Variants in ARHGAP28 observed in about 807,000 individuals in gnomAD.
The protein encoded by ARHGAP28 is rho GTPase-activating protein 28.
Under a neutral mutation model 90.7 loss-of-function variants are expected in ARHGAP28, and 56 were observed. The observed-to-expected ratio is 0.62, with a 90% CI of 0.50 to 0.77. The LOEUF is 0.77. Among genes scored for constraint, ARHGAP28 ranks in the 30% least tolerant of loss-of-function variants. The probability of loss-of-function intolerance (pLI) is 0.00; values close to 1 mark genes in which losing one functional copy is unlikely to be tolerated. For missense variants in ARHGAP28, 869 were observed against 900.9 expected (o/e 0.96, Z 0.45); for synonymous variants, 308 against 323.3 (o/e 0.95, Z 0.51).
chr18:6,751,631 A>G (rs1031321225), intron 1 of ARHGAP28, among the ~76,000 whole-genome samples: 7 of 152,236 alleles, frequency 4.6e-5, no homozygotes, highest in Non-Finnish European at 8.8e-5. Context: ...AATTGCATCA[A>G]CAAGAAGAAA....
chr18:6,730,754 A>G (rs1325548534), intron 1 of ARHGAP28, among the ~76,000 whole-genome samples: 1 of 152,202 alleles, frequency 6.6e-6, no homozygotes, highest in African/African-American at 2.4e-5. Flanking sequence ...TATTTGATAC[A>G]TATTTGGGGG....
At chr18:6,847,125 G>A (rs1454796469) in intron 3 of ARHGAP28, among the ~76,000 whole-genome samples, 1 of 152,112 alleles carries the variant, frequency 6.6e-6, no homozygotes. Context: ...CACAAGAACT[G>A]TCCTCTGGAT....
intron 16 of ARHGAP28, among the ~76,000 whole-genome samples, chr18:6,903,379 G>A (rs965867789): frequency 6.6e-6 from 1 of 152,024 alleles, no homozygotes; most frequent in African/African-American, 2.4e-5. Flanking sequence ...TTAAGTGTGA[G>A]GATAAAGAGA....
At chr18:6,789,026 G>A (rs888804552) in intron 1 of ARHGAP28, 2 of 152,164 alleles carry the variant, frequency 1.3e-5, no homozygotes, top group Admixed American at 6.5e-5. Context: ...TGTATTACTT[G>A]GCCTGACAAC....
chr18:6,875,244 T>C (rs1022794868), intron 9 of ARHGAP28, among the ~76,000 whole-genome samples: 1 of 152,240 alleles, frequency 6.6e-6, no homozygotes, highest in Non-Finnish European at 1.5e-5. Context: ...TACTACTGGA[T>C]GTTAAGTGTT....
At chr18:6,738,917 A>G (rs543848902) in intron 1 of ARHGAP28, among the ~76,000 whole-genome samples, 134 of 152,356 alleles carry the variant, frequency 8.8e-4, no homozygotes, top group African/African-American at 3.1e-3. Context: ...GTAATCAGTC[A>G]TGCCCTAATC....
chr18:6,863,062 T>A (rs2143423896), intron 5 of ARHGAP28, among the ~76,000 whole-genome samples: 1 of 152,244 alleles, frequency 6.6e-6, no homozygotes, highest in East Asian at 1.9e-4. Flanking sequence ...TTCTCAGAAA[T>A]CATCTGCATA....
intron 12 of ARHGAP28, among the ~76,000 whole-genome samples, chr18:6,889,204 T>G (rs1180502967): frequency 1.3e-5 from 2 of 152,188 alleles, no homozygotes; most frequent in Admixed American, 6.5e-5. Flanking sequence ...TCAGTCGTCT[T>G]GGTGAATTTA....
intron 1 of ARHGAP28, among the ~76,000 whole-genome samples, chr18:6,821,540 C>T (rs2056626955): frequency 6.6e-6 from 1 of 152,168 alleles, no homozygotes; most frequent in South Asian, 2.1e-4. Context: ...CGTAATGTTT[C>T]AAGAGTGGAA....
At chr18:6,802,335 C>CTT (rs35950139) in intron 1 of ARHGAP28, among the ~76,000 whole-genome samples, 11,475 of 52,868 alleles carry the variant, frequency 0.22, 3,959 homozygotes, top group Non-Finnish European at 0.29. Context: ...TATGGTAGTT[C>CTT]TTTTTTTTTT....
chr18:6,787,219 TAA>T (rs11350947), intron 1 of ARHGAP28, among the ~76,000 whole-genome samples: 1,491 of 94,558 alleles, frequency 0.016, 10 homozygotes, highest in African/African-American at 0.02. Flanking sequence ...AAACTCCATT[TAA>T]AAAAAAAAAA....
chr18:6,782,021 G>A (rs527389337), intron 1 of ARHGAP28, among the ~76,000 whole-genome samples: 1 of 152,202 alleles, frequency 6.6e-6, no homozygotes, highest in South Asian at 2.1e-4. Context: ...CAGTCAACAA[G>A]CTATCATATT....
At chr18:6,871,443 G>A (rs1567977268) in intron 7 of ARHGAP28, among the ~76,000 whole-genome samples, 1 of 152,174 alleles carries the variant, frequency 6.6e-6, no homozygotes, top group Non-Finnish European at 1.5e-5. Context: ...GAGAGGAAGT[G>A]AGAGCTCATG....
intron 1 of ARHGAP28, among the ~76,000 whole-genome samples, chr18:6,769,993 C>G (rs1358038627): frequency 6.6e-6 from 1 of 152,196 alleles, no homozygotes; most frequent in African/African-American, 2.4e-5. Flanking sequence ...GTAACTTCGT[C>G]TTATTTATTT....
At chr18:6,742,474 C>A (rs2055987746) in intron 1 of ARHGAP28, among the ~76,000 whole-genome samples, 1 of 152,056 alleles carries the variant, frequency 6.6e-6, no homozygotes, top group Non-Finnish European at 1.5e-5. Context: ...CCGGCCATGA[C>A]TTGGTTTTCT....
chr18:6,824,532 T>C (rs1180048884), intron 1 of ARHGAP28, among the ~76,000 whole-genome samples: 2 of 151,994 alleles, frequency 1.3e-5, no homozygotes, highest in Non-Finnish European at 2.9e-5. Flanking sequence ...GCAAGACTCT[T>C]ACTCAAAAAA....
intron 1 of ARHGAP28, chr18:6,790,919 A>G (rs141648060): frequency 4.2e-4 from 64 of 152,320 alleles, no homozygotes; most frequent in African/African-American, 1.5e-3. Context: ...ACTCAGCACT[A>G]TCAGACACAT....
chr18:6,778,452 T>C (rs1204385974), intron 1 of ARHGAP28, among the ~76,000 whole-genome samples: 1 of 152,314 alleles, frequency 6.6e-6, no homozygotes, highest in East Asian at 1.9e-4. Flanking sequence ...GGTCACTGCA[T>C]CAGAAACAAT....
intron 3 of ARHGAP28, among the ~76,000 whole-genome samples, chr18:6,839,579 G>T (rs971181702): frequency 6.6e-6 from 1 of 152,178 alleles, no homozygotes; most frequent in African/African-American, 2.4e-5. Flanking sequence ...TTACAGGCGT[G>T]AGCCACTGCG....
Sources: gnomAD v4.1 joint callset for allele counts (sites outside exome capture counted in the v4.1 genomes callset) on GRCh38, gnomAD v4.1.1 for gene constraint, MANE v1.5 for transcripts, NCBI Gene and HGNC (gene_info 2026-07-23, HGNC 2026-07-21) for gene names.